GLYATL3: variants seen among roughly 807,000 people sequenced by gnomAD.
The protein encoded by GLYATL3 is glycine N-acyltransferase-like protein 3.
Under a neutral mutation model 28.5 loss-of-function variants are expected in GLYATL3, and 31 were observed. That is an observed-to-expected ratio of 1.09 (90% CI 0.82 to 1.47). The LOEUF (loss-of-function observed/expected upper bound fraction) is 1.47. Ranked by LOEUF, GLYATL3 falls within the 40% of genes most tolerant of loss-of-function variation. The probability of loss-of-function intolerance (pLI) is 0.00; values close to 1 mark genes in which losing one functional copy is unlikely to be tolerated. For missense variants in GLYATL3, 369 were observed against 351.5 expected (o/e 1.05, Z -0.40); for synonymous variants, 141 against 140.2 (o/e 1.01, Z -0.04).
chr6:49,501,355 A>C (rs1052356697), intron 1 of GLYATL3, among the ~76,000 whole-genome samples: 2 of 152,210 alleles, frequency 1.3e-5, no homozygotes, highest in Non-Finnish European at 2.9e-5. Flanking sequence ...AGGTCGAGAA[A>C]TAAGAGACTC....
At chr6:49,511,079 T>G (rs1769113877) in intron 1 of GLYATL3, among the ~76,000 whole-genome samples, 1 of 152,198 alleles carries the variant, frequency 6.6e-6, no homozygotes, top group Non-Finnish European at 1.5e-5. Context: ...TGTTCTCCTG[T>G]CTAGCTGAGT....
At chr6:49,521,905 G>A (rs1769323326) in intron 5 of GLYATL3, 134 bp downstream of exon 5, 1 of 713,892 alleles carries the variant, frequency 1.4e-6, no homozygotes, top group South Asian at 1.9e-5. Flanking sequence ...ACAAACGGGA[G>A]TATGTGTGTG....
chr6:49,502,215 G>A (rs1768927007), intron 1 of GLYATL3, among the ~76,000 whole-genome samples: 1 of 152,046 alleles, frequency 6.6e-6, no homozygotes, highest in Non-Finnish European at 1.5e-5. Flanking sequence ...TTCCAATTTT[G>A]TATATGAACA....
At chr6:49,512,122 A>G in intron 2 of GLYATL3, 54 bp downstream of exon 2, 1 of 861,692 alleles carries the variant, frequency 1.2e-6, no homozygotes, top group Non-Finnish European at 1.8e-6. Context: ...AATCTGTAAA[A>G]TAATGTCAAA....
chr6:49,516,249 A>G (rs934303296), intron 3 of GLYATL3, among the ~76,000 whole-genome samples: 1 of 152,040 alleles, frequency 6.6e-6, no homozygotes, highest in African/African-American at 2.4e-5. Context: ...GCCCAGCCTC[A>G]GCATTAGTTT....
At chr6:49,520,852 A>AAAAAC (rs992060397) in intron 4 of GLYATL3, among the ~76,000 whole-genome samples, 2 of 152,122 alleles carry the variant, frequency 1.3e-5, no homozygotes, top group African/African-American at 2.4e-5. Flanking sequence ...CCATCTCTAC[A>AAAAAC]AAAACAAAAC....
chr6:49,521,866 C>T (rs916098587), intron 5 of GLYATL3, 95 bp downstream of exon 5: 1 of 1,096,044 alleles, frequency 9.1e-7, no homozygotes, highest in South Asian at 1.6e-5. Flanking sequence ...TATGGAATAT[C>T]CAGGCACTCT....
intron 1 of GLYATL3, among the ~76,000 whole-genome samples, 173 bp downstream of exon 1, chr6:49,500,215 G>A (rs1768888248): frequency 6.6e-6 from 1 of 151,810 alleles, no homozygotes; most frequent in Admixed American, 6.6e-5. Context: ...TTTTGTTTGG[G>A]GTTTTTTTAA....
intron 1 of GLYATL3, among the ~76,000 whole-genome samples, chr6:49,505,476 C>A (rs1287900356): frequency 6.6e-6 from 1 of 152,150 alleles, no homozygotes; most frequent in East Asian, 1.9e-4. Context: ...CATAACCTGC[C>A]TTTCCATTAC....
chr6:49,514,193 C>T (rs1769173009), intron 2 of GLYATL3, among the ~76,000 whole-genome samples: 1 of 152,224 alleles, frequency 6.6e-6, no homozygotes, highest in South Asian at 2.1e-4. Flanking sequence ...CGCTACCTCT[C>T]CCTGTTCCCT....
chr6:49,515,514 TC>T (rs1769199236), intron 2 of GLYATL3, 138 bp from the exon 3 acceptor site: 1 of 534,644 alleles, frequency 1.9e-6, no homozygotes, highest in South Asian at 3.1e-5. Flanking sequence ...CTATTATGTG[TC>T]TGAATGTATG....
chr6:49,511,088 G>T (rs1724775643), intron 1 of GLYATL3, among the ~76,000 whole-genome samples: 2 of 152,094 alleles, frequency 1.3e-5, no homozygotes, highest in Non-Finnish European at 2.9e-5. Flanking sequence ...GTCTAGCTGA[G>T]TTCTCTTTGC....
intron 4 of GLYATL3, among the ~76,000 whole-genome samples, chr6:49,518,261 A>G (rs1769251007): frequency 6.6e-6 from 1 of 152,116 alleles, no homozygotes; most frequent in African/African-American, 2.4e-5. Flanking sequence ...ATACAGAAAG[A>G]GTTTATATGA....
intron 4 of GLYATL3, among the ~76,000 whole-genome samples, chr6:49,519,085 A>G (rs1769269721): frequency 6.6e-6 from 1 of 152,148 alleles, no homozygotes; most frequent in Non-Finnish European, 1.5e-5. Context: ...GCCAATTTAG[A>G]AAAAAATGTT....
At chr6:49,513,204 T>G (rs746600111) in intron 2 of GLYATL3, among the ~76,000 whole-genome samples, 3 of 152,170 alleles carry the variant, frequency 2.0e-5, no homozygotes, top group Non-Finnish European at 4.4e-5. Context: ...ACTTCCTCCA[T>G]TTTTTGGAGT....
intron 2 of GLYATL3, 138 bp from the exon 3 acceptor site, chr6:49,515,515 C>A: frequency 1.9e-6 from 1 of 530,740 alleles, no homozygotes; most frequent in South Asian, 3.2e-5. Flanking sequence ...TATTATGTGT[C>A]TGAATGTATG....
At chr6:49,517,315 T>C (rs1769234081) in intron 3 of GLYATL3, 115 bp from the exon 4 acceptor site, 2 of 811,456 alleles carry the variant, frequency 2.5e-6, no homozygotes, top group East Asian at 6.1e-5. Flanking sequence ...TCTAATTTTG[T>C]TAGCCACCTA....
intron 4 of GLYATL3, among the ~76,000 whole-genome samples, chr6:49,518,676 C>T (rs1769259081): frequency 6.6e-6 from 1 of 152,114 alleles, no homozygotes; most frequent in Admixed American, 6.5e-5. Context: ...TGCGGTGGCT[C>T]ACACCTGTAA....
chr6:49,526,624 G>A lies in GLYATL3; in HGVS notation c.577G>A (p.Val193Ile), dbSNP rs1161129561. The A allele has an allele frequency of 1.9e-6, 3 of 1,551,972 alleles. No homozygotes were observed. In the Admixed American group the frequency reaches 5.9e-5, roughly 30 times the overall value. ...NLISCFPSVC[V>I]RDEKGNPVSW... is the part of the protein sequence containing the mutation. ...CATCTCCTGCTTCCCTAGTGTGTGT[G>A]TCCGGGATGAGAAGGGAAACCCGGT... Residue 193 changes from valine to isoleucine, a missense_variant, in exon 6 of 6, where the codon GTC (valine) becomes ATC (isoleucine). Val to Ile is a conservative substitution (Grantham distance 29). Coordinates refer to ENST00000371197, the MANE Select transcript of GLYATL3 (RefSeq NM_001010904.2).
Sources: allele counts gnomAD v4.1 joint callset (sites outside exome capture counted in the v4.1 genomes callset), GRCh38; gene constraint gnomAD v4.1.1; transcripts MANE v1.5; gene names NCBI Gene and HGNC (gene_info 2026-07-23, HGNC 2026-07-21).